The following BLTP3A variants were observed in gnomAD, a reference collection of about 807,000 sequenced individuals.
The protein encoded by BLTP3A is ICBP90 binding protein 1.
the BLTP3A span, among the ~76,000 whole-genome samples, chr6:34,848,109 T>G: frequency 0.14 from 20,245 of 145,268 alleles, 1,918 homozygotes; most frequent in Non-Finnish European, 0.2. Flanking sequence ...TTTGTAGAGA[T>G]GAGGTTTTGC....
chr6:34,811,400 A>G, the BLTP3A span, among the ~76,000 whole-genome samples: 1 of 152,230 alleles, frequency 6.6e-6, no homozygotes, highest in East Asian at 1.9e-4. Context: ...TGGTATTGGC[A>G]TAAGTATATA....
the BLTP3A span, chr6:34,872,375 C>G: frequency 8.7e-6 from 14 of 1,613,138 alleles, no homozygotes; most frequent in Non-Finnish European, 1.2e-5. Context: ...TGGCCAATGC[C>G]AACCAGGATA....
the BLTP3A span, among the ~76,000 whole-genome samples, chr6:34,844,924 T>G: frequency 0.14 from 21,823 of 152,192 alleles, 1,870 homozygotes; most frequent in African/African-American, 0.24. Flanking sequence ...AAGAAATCTT[T>G]GCCCAGACCA....
At chr6:34,856,974 A>G in the BLTP3A span, 2 of 1,595,386 alleles carry the variant, frequency 1.3e-6, no homozygotes, top group African/African-American at 1.3e-5. Flanking sequence ...GGAGCAGTTT[A>G]CTTGGAAGGC....
At chr6:34,871,923 C>T in the BLTP3A span, 1 of 1,613,866 alleles carries the variant, frequency 6.2e-7, no homozygotes, top group Non-Finnish European at 8.5e-7. Flanking sequence ...TTTTGAACAG[C>T]AGGTGAGGAC....
the BLTP3A span, chr6:34,856,934 G>A: frequency 6.2e-7 from 1 of 1,609,896 alleles, no homozygotes; most frequent in Non-Finnish European, 8.5e-7. Context: ...CACCAGGTGA[G>A]GACATGAGGA....
At chr6:34,825,775 A>C in the BLTP3A span, among the ~76,000 whole-genome samples, 44 of 152,272 alleles carry the variant, frequency 2.9e-4, no homozygotes, top group East Asian at 7.7e-3. Flanking sequence ...ACTGAGTAAC[A>C]TTTTAGTGTA....
chr6:34,832,193 C>T, the BLTP3A span, among the ~76,000 whole-genome samples: 1 of 150,830 alleles, frequency 6.6e-6, no homozygotes, highest in Non-Finnish European at 1.5e-5. Flanking sequence ...GATCACAGCT[C>T]ATTGCAGCCT....
chr6:34,837,354 C>T, the BLTP3A span, among the ~76,000 whole-genome samples: 1 of 151,940 alleles, frequency 6.6e-6, no homozygotes, highest in Non-Finnish European at 1.5e-5. Context: ...CCAGCCTGGG[C>T]AACATGGCGA....
the BLTP3A span, among the ~76,000 whole-genome samples, chr6:34,794,934 G>A: frequency 2.0e-5 from 3 of 150,284 alleles, no homozygotes; most frequent in Non-Finnish European, 4.4e-5. Context: ...ACAGGCATGC[G>A]CCACCACGCC....
chr6:34,842,252 CTCTTT>C, the BLTP3A span, among the ~76,000 whole-genome samples: 69 of 152,254 alleles, frequency 4.5e-4, no homozygotes, highest in Non-Finnish European at 7.3e-4. Context: ...TGAAAATTGG[CTCTTT>C]TCTTTTAAGC....
At chr6:34,828,896 G>A in the BLTP3A span, among the ~76,000 whole-genome samples, 3 of 151,466 alleles carry the variant, frequency 2.0e-5, no homozygotes, top group Non-Finnish European at 4.4e-5. Context: ...GCGTGGTGGC[G>A]CATGCCTGTA....
the BLTP3A span, among the ~76,000 whole-genome samples, chr6:34,795,008 C>G: frequency 6.6e-6 from 1 of 151,848 alleles, no homozygotes; most frequent in African/African-American, 2.4e-5. Context: ...AGGATGGTCT[C>G]GATCTCCTGA....
chr6:34,811,631 C>A, the BLTP3A span, among the ~76,000 whole-genome samples: 1 of 150,772 alleles, frequency 6.6e-6, no homozygotes, highest in Non-Finnish European at 1.5e-5. Flanking sequence ...GGGTGGATAA[C>A]TTGAGGTCAG....
the BLTP3A span, among the ~76,000 whole-genome samples, chr6:34,840,424 G>C: frequency 6.7e-6 from 1 of 148,996 alleles, no homozygotes; most frequent in Non-Finnish European, 1.5e-5. Flanking sequence ...AAATTAGCTG[G>C]GCGTGGTGGC....
chr6:34,876,997 G>C, the BLTP3A span: 1 of 152,542 alleles, frequency 6.6e-6, no homozygotes, highest in African/African-American at 2.4e-5. Flanking sequence ...AAAAATTCCT[G>C]TTAATGCTGA....
chr6:34,861,683 C>A, the BLTP3A span, among the ~76,000 whole-genome samples: 8 of 152,174 alleles, frequency 5.3e-5, no homozygotes, highest in African/African-American at 1.9e-4. Flanking sequence ...ATGTTACATG[C>A]TGCTTTATTC....
chr6:34,811,601 G>A, the BLTP3A span, among the ~76,000 whole-genome samples: 1 of 151,820 alleles, frequency 6.6e-6, no homozygotes, highest in Non-Finnish European at 1.5e-5. Flanking sequence ...TGTAATCCCA[G>A]CACTTTGGGA....
the BLTP3A span, among the ~76,000 whole-genome samples, chr6:34,853,456 T>A: frequency 2.6e-5 from 4 of 152,156 alleles, no homozygotes; most frequent in Non-Finnish European, 4.4e-5. Context: ...TGAGCCACCA[T>A]GCCCAGCCTG....
Sources: allele counts gnomAD v4.1 joint callset (sites outside exome capture counted in the v4.1 genomes callset), GRCh38; gene constraint gnomAD v4.1.1; transcripts MANE v1.5; gene names NCBI Gene and HGNC (gene_info 2026-07-23, HGNC 2026-07-21).